The following IGFBP1 variants were observed in gnomAD, a reference collection of about 807,000 sequenced individuals.
The protein encoded by IGFBP1 is insulin like growth factor binding protein 1.
IGFBP1 carries 31 observed loss-of-function variants against 23.1 expected under a neutral mutation model. That is an observed-to-expected ratio of 1.34 (90% confidence interval 1.01 to 1.81). The LOEUF (loss-of-function observed/expected upper bound fraction) is 1.81, where lower values mean the gene tolerates loss of function less well. IGFBP1 is among the 40% of genes most tolerant of loss of function. The probability of loss-of-function intolerance (pLI) is 0.00; values close to 1 mark genes in which losing one functional copy is unlikely to be tolerated. For missense variants in IGFBP1, 333 were observed against 342.2 expected (o/e 0.97, Z 0.21); for synonymous variants, 148 against 145.5 (o/e 1.02, Z -0.13).
intron 3 of IGFBP1, 108 bp downstream of exon 3, chr7:45,892,168 AC>A: frequency 8.1e-7 from 1 of 1,227,366 alleles, no homozygotes; most frequent in Non-Finnish European, 1.2e-6. Context: ...CAAAGTAGAC[AC>A]CAGAAGTGGT....
chr7:45,890,696 C>A lies in IGFBP1; in HGVS notation c.498C>A (p.Val166=). 1 of 1,603,124 alleles carries A rather than the reference C, an allele frequency of 6.2e-7. No homozygotes were observed. The highest frequency in any genetic ancestry group is 8.5e-7 in the Non-Finnish European group (1 of 1,175,210). The change falls in exon 2 of 4, where the codon GTC becomes GTA. Residue 166 remains valine (V), a synonymous_variant. Coordinates refer to ENST00000275525, the MANE Select transcript of IGFBP1 (RefSeq NM_000596.4). ...ATGATGGCTCGAAGGCTCTCCATGT[C>A]ACCAACATCAAAAAATGGAAGGTGA... ...STYDGSKALH[V]TNIKKWKEPC... is the part of the protein sequence containing the mutation.
rs1311190965 is a variant in IGFBP1 at position 45,888,490 on chromosome 7, C to CG, written c.-161dup. ...GGTGCGCGCTGTGTCCAGCGAGCAT[C>CG]GGCCACCGCCATCCCATCCAGCGAG... On this transcript the variant is annotated 5_prime_UTR_variant, in exon 1 of 4. Transcript: ENST00000275525. 6.7e-5 allele frequency: 42 copies of CG among 624,822 alleles called. 1 individual carries two copies. In the East Asian group the frequency reaches 1.2e-3, roughly 18 times the overall value. 38.7% of individuals were successfully genotyped at this position (624,822 alleles called of 1,614,324 possible). A position where few individuals can be genotyped will look rare whatever the true frequency, so the allele number is the denominator to read the frequency against.
chr7:45,891,123 A>G (rs1016922464), intron 2 of IGFBP1, among the ~76,000 whole-genome samples: 2 of 152,202 alleles, frequency 1.3e-5, no homozygotes, highest in African/African-American at 2.4e-5. Flanking sequence ...ATTTTGAAGC[A>G]TAGGTTTCTG....
Position 45,888,956 on chromosome 7 carries a change from G to T in IGFBP1, c.304G>T (p.Gly102Cys). The T allele has an allele frequency of 6.6e-7, 1 of 1,521,272 alleles. No individual in the cohort carries two copies. Among genetic ancestry groups the T allele is most frequent in the South Asian group, 1.2e-5 (1 of 83,090 alleles). 94.2% of individuals were successfully genotyped at this position (1,521,272 alleles called of 1,614,324 possible). ...TCTGCACGCCCTCACCCGCGGCCAAGGCGCCTGCGTGCAGGAGTCTGACGC... is the reference window on the plus strand; with the variant it reads ...TCTGCACGCCCTCACCCGCGGCCAATGCGCCTGCGTGCAGGAGTCTGACGC... ...QPLHALTRGQ[G>C]ACVQESDASA... Residue 102 changes from glycine to cysteine, a missense_variant, in exon 1 of 4, where the codon GGC (glycine) becomes TGC (cysteine). Gly to Cys is a radical substitution (Grantham distance 159). Transcript: ENST00000275525.
Position 45,888,979 on chromosome 7 carries a change from C to G in IGFBP1, c.327C>G (p.Asp109Glu). 1.3e-6 allele frequency: 2 copies of G among 1,518,838 alleles called. No homozygotes were observed. The highest frequency in any genetic ancestry group is 1.8e-6 in the Non-Finnish European group (2 of 1,140,092). The allele number at this position is 1,518,838 out of a possible 1,614,324, so 94.1% of individuals were successfully genotyped here. A position where few individuals can be genotyped will look rare whatever the true frequency, so the allele number is the denominator to read the frequency against. Residue 109 changes from aspartate to glutamate, a missense_variant, in exon 1 of 4, where the codon GAC (aspartate) becomes GAG (glutamate). Asp to Glu is a conservative substitution (Grantham distance 45). Transcript: ENST00000275525. Reference sequence around the variant, plus strand: ...AAGGCGCCTGCGTGCAGGAGTCTGACGCCTCCGCTCCCCATGCTGCAGGTA... The same window carrying G: ...AAGGCGCCTGCGTGCAGGAGTCTGAGGCCTCCGCTCCCCATGCTGCAGGTA... The part of the protein sequence containing the change: ...RGQGACVQES[D>E]ASAPHAAEAG...
intron 3 of IGFBP1, 23 bp from the exon 4 acceptor site, chr7:45,892,937 T>C: frequency 6.2e-7 from 1 of 1,606,918 alleles, no homozygotes; most frequent in Non-Finnish European, 8.5e-7. Flanking sequence ...CTGCTGCTCT[T>C]GACCTTGGTC....
chr7:45,890,271 G>T (rs1275540807), intron 1 of IGFBP1, among the ~76,000 whole-genome samples: 5 of 152,154 alleles, frequency 3.3e-5, no homozygotes, highest in Non-Finnish European at 7.3e-5. Flanking sequence ...TTGTTGCTCT[G>T]CTCCCCTGCT....
In IGFBP1 at chr7:45,888,862, G is replaced by T. The variant is rs750080528; in HGVS notation, c.210G>T (p.Ala70=). The change falls in exon 1 of 4, where the codon GCG becomes GCT. Residue 70 remains alanine, a synonymous_variant. Transcript: ENST00000275525. ...CPMCALPLGA[A]CGVATARCAR... ...TGTGCGCCCTGCCTCTGGGCGCCGC[G>T]TGCGGCGTGGCGACTGCACGCTGCG... 3.1e-5 allele frequency: 47 copies of T among 1,512,728 alleles called. No individual in the cohort carries two copies. In the Admixed American group the frequency reaches 5.1e-4, roughly 16 times the overall value. 93.7% of individuals were successfully genotyped at this position (1,512,728 alleles called of 1,614,324 possible).
rs769609357 is a variant in IGFBP1 at position 45,892,053 on chromosome 7, G to A, written c.641G>A (p.Ser214Asn). The change falls in exon 3 of 4, where the codon AGC becomes AAC. Residue 214 changes from serine (S) to asparagine (N), a missense_variant. By Grantham distance (46) the Ser-to-Asn change is conservative. Transcript: ENST00000275525. ...TGCAACAAGAATGGATTTTATCACA[G>A]CAGACAGGTAGGTGGCCTTGCCAGT... ...PNCNKNGFYHSRQCETSMDGE... is the reference protein window; with the variant it reads ...PNCNKNGFYHNRQCETSMDGE... The A allele has an allele frequency of 1.4e-5, 22 of 1,614,014 alleles. No individual in the cohort carries two copies. Among genetic ancestry groups the A allele is most frequent in the Non-Finnish European group, 8.5e-7 (1 of 1,180,022 alleles).
chr7:45,890,628 T>A lies in IGFBP1; in HGVS notation c.430T>A (p.Ser144Thr), dbSNP rs767318856. 1.9e-6 allele frequency: 3 copies of A among 1,613,826 alleles called. No individual in the cohort carries two copies. ...LLDNFHLMAP[S>T]EEDHSILWDA... ...GGATAATTTCCATCTGATGGCCCCT[T>A]CTGAAGAGGATCATTCCATCCTTTG... Residue 144 changes from serine to threonine, a missense_variant, in exon 2 of 4, where the codon TCT becomes ACT. Physicochemically the swap from Ser to Thr is moderately conservative, Grantham distance 58 (BLOSUM62 1). Coordinates refer to ENST00000275525, the MANE Select transcript of IGFBP1 (RefSeq NM_000596.4).
intron 1 of IGFBP1, 58 bp from the exon 2 acceptor site, chr7:45,890,490 C>G (rs1012652580): frequency 1.3e-6 from 2 of 1,522,160 alleles, no homozygotes; most frequent in Non-Finnish European, 1.8e-6. Flanking sequence ...CTCCTGGGGG[C>G]CCGAAAGGGG....
intron 2 of IGFBP1, 72 bp from the exon 3 acceptor site, chr7:45,891,860 C>A: frequency 6.8e-7 from 1 of 1,466,492 alleles, no homozygotes. Flanking sequence ...AAAACCTCTT[C>A]CATCAGTCAT....
intron 2 of IGFBP1, 125 bp from the exon 3 acceptor site, chr7:45,891,807 C>T (rs1166592257): frequency 4.7e-6 from 4 of 844,248 alleles, no homozygotes; most frequent in Admixed American, 5.4e-5. Context: ...ACACCTAGTC[C>T]CAGGTCCCCG....
rs1473391802 is a variant in IGFBP1, at chr7:45,891,940, C to A, written c.528C>A (p.Cys176Ter). The A allele has an allele frequency of 2.5e-6, 4 of 1,611,078 alleles. No individual in the cohort carries two copies. Among genetic ancestry groups the A allele is most frequent in the Non-Finnish European group, 1.7e-6 (2 of 1,178,546 alleles). ...TCAAGTTATTCTCTTAGGAGCCCTG[C>A]CGAATAGAACTCTACAGAGTCGTAG... ...VTNIKKWKEPCRIELYRVVES... is the reference protein window; with the variant it reads ...VTNIKKWKEP Residue 176 changes from cysteine to a stop codon, truncating the protein, a stop_gained, in exon 3 of 4, where the codon TGC becomes TGA. Coordinates refer to ENST00000275525, the MANE Select transcript of IGFBP1 (RefSeq NM_000596.4). LOFTEE classifies it high-confidence loss of function.
chr7:45,890,435 T>C (rs1337844806), intron 1 of IGFBP1, 113 bp from the exon 2 acceptor site: 8 of 1,073,770 alleles, frequency 7.5e-6, no homozygotes, highest in Non-Finnish European at 8.1e-6. Context: ...TTAGGGAATG[T>C]GGCCATCCTC....
intron 3 of IGFBP1, 62 bp from the exon 4 acceptor site, chr7:45,892,888 GGGCCAGCTAT>G (rs1787101432): frequency 1.3e-6 from 2 of 1,502,974 alleles, no homozygotes; most frequent in Non-Finnish European, 1.8e-6. Flanking sequence ...ACTGAAAAAA[GGGCCAGCTAT>G]GGCTCTACTT....
Position 45,888,550 on chromosome 7 carries a change from A to G in IGFBP1, c.-103A>G, listed in dbSNP as rs1787014854. On this transcript the variant is annotated 5_prime_UTR_variant, in exon 1 of 4. Transcript: ENST00000275525. ...CCGCGCCGCCGCCACCCTCCCAGAGAGCACTGGCCACCGCTCCACCATCAC... is the reference window on the plus strand; with the variant it reads ...CCGCGCCGCCGCCACCCTCCCAGAGGGCACTGGCCACCGCTCCACCATCAC... 1.0e-6 allele frequency: 1 copy of G among 986,330 alleles called. No homozygotes were observed. Among genetic ancestry groups the G allele is most frequent in the South Asian group, 1.5e-5 (1 of 68,268 alleles). The allele number at this position is 986,330 out of a possible 1,614,324, so 61.1% of individuals were successfully genotyped here. A position where few individuals can be genotyped will look rare whatever the true frequency, so the allele number is the denominator to read the frequency against.
intron 3 of IGFBP1, among the ~76,000 whole-genome samples, chr7:45,892,341 G>A (rs963042101): frequency 6.6e-6 from 1 of 152,224 alleles, no homozygotes. Context: ...AATAGCTATG[G>A]AAGACTTTCC....
Position 45,889,125 on chromosome 7 carries a change from G to A in IGFBP1, c.349+124G>A, listed in dbSNP as rs1305698880. 5.7e-6 allele frequency: 4 copies of A among 705,808 alleles called. No homozygotes were observed. The African/African-American group carries it at 5.7e-5, about 10-fold the overall frequency. The allele number at this position is 705,808 out of a possible 1,614,324, so 43.7% of individuals were successfully genotyped here. ...GGGCAGGGGCTTGTCCACAACTAGAGCTTGAAACCAGAGCACGTAGTTGGG... is the reference window on the plus strand; with the variant it reads ...GGGCAGGGGCTTGTCCACAACTAGAACTTGAAACCAGAGCACGTAGTTGGG... On this transcript the variant is annotated intron_variant, in intron 1 of 3. Coordinates refer to ENST00000275525, the MANE Select transcript of IGFBP1 (RefSeq NM_000596.4).
Sources: gnomAD v4.1 joint callset for allele counts (sites outside exome capture counted in the v4.1 genomes callset) on GRCh38, gnomAD v4.1.1 for gene constraint, MANE v1.5 for transcripts, NCBI Gene and HGNC (gene_info 2026-07-23, HGNC 2026-07-21) for gene names.